The following SLC22A25 variants were observed in gnomAD, a reference collection of about 807,000 sequenced individuals.
SLC22A25 encodes the protein solute carrier family 22 member 25, also known as MGI:2442751, MGI:2385316, MGI:3042283, MGI:3645714, MGI:3605624, MGI:2442750.
Under a neutral mutation model 45.9 loss-of-function variants are expected in SLC22A25, and 44 were observed. That is an observed-to-expected ratio of 0.96 (90% confidence interval 0.75 to 1.23). SLC22A25 has a LOEUF of 1.23. SLC22A25 is among the 50% of genes most tolerant of loss of function. The probability of loss-of-function intolerance (pLI) is 0.00; values close to 1 mark genes in which losing one functional copy is unlikely to be tolerated. For synonymous variants in SLC22A25, 283 were observed against 238.6 expected, an observed-to-expected ratio of 1.19 and a Z score of -1.72; for missense variants, 800 against 666.4, an observed-to-expected ratio of 1.20 and a Z score of -2.21.
intron 7 of SLC22A25, among the ~76,000 whole-genome samples, chr11:63,191,273 C>T (rs2088803809): frequency 6.6e-6 from 1 of 152,214 alleles, no homozygotes; most frequent in African/African-American, 2.4e-5. Context: ...AGCCTCGCTG[C>T]CACCTTGCAG....
intron 9 of SLC22A25, among the ~76,000 whole-genome samples, chr11:63,170,636 A>C (rs1255113795): frequency 6.6e-6 from 1 of 152,198 alleles, no homozygotes; most frequent in East Asian, 1.9e-4. Flanking sequence ...ATCCCTGAAT[A>C]GACCAATAAC....
chr11:63,214,102 C>A (rs1342043259), intron 7 of SLC22A25, among the ~76,000 whole-genome samples: 1 of 152,096 alleles, frequency 6.6e-6, no homozygotes, highest in Admixed American at 6.6e-5. Flanking sequence ...TCCAGGTGGT[C>A]CCCAGATTCC....
At position 63,183,646 on chromosome 11, in the gene SLC22A25, C is replaced by T. The variant is rs190439302; in HGVS notation, c.954+48G>A. On this transcript the variant is annotated intron_variant, in intron 8 of 11. Coordinates refer to ENST00000306494, the MANE Select transcript of SLC22A25 (RefSeq NM_199352.6). ...TATGAACACCAACAAGTATAGATGA[C>T]AATTTATGTCTTCCCAGCATCCCAT... is the stretch of plus-strand genomic sequence containing the variant. The T allele has an allele frequency of 4.3e-6, 7 of 1,609,356 alleles. No homozygotes were observed. The East Asian group carries it at 1.6e-4, about 36-fold the overall frequency.
intron 5 of SLC22A25, among the ~76,000 whole-genome samples, chr11:63,219,561 A>C (rs1369195702): frequency 2.6e-5 from 4 of 152,212 alleles, no homozygotes; most frequent in Non-Finnish European, 4.4e-5. Flanking sequence ...ATTATTAATG[A>C]AATTCTACAG....
chr11:63,184,669 C>G (rs191852346), intron 7 of SLC22A25, among the ~76,000 whole-genome samples: 2 of 152,088 alleles, frequency 1.3e-5, no homozygotes, highest in Non-Finnish European at 2.9e-5. Context: ...ATATCACCTA[C>G]GACAATTAAA....
At chr11:63,175,541 C>T (rs149947229) in intron 9 of SLC22A25, among the ~76,000 whole-genome samples, 98 of 152,168 alleles carry the variant, frequency 6.4e-4, no homozygotes, top group Non-Finnish European at 1.2e-3. Flanking sequence ...AATATTTTCC[C>T]TCATTCTGAA....
chr11:63,210,574 G>A (rs956079631), intron 7 of SLC22A25, among the ~76,000 whole-genome samples: 1 of 152,172 alleles, frequency 6.6e-6, no homozygotes, highest in African/African-American at 2.4e-5. Flanking sequence ...ATGTCTGAAA[G>A]GCAGATCCTG....
In SLC22A25 at chr11:63,217,392, AG is replaced by A. The variant is rs1262632420; in HGVS notation, c.751del (p.Leu251TrpfsTer14). 6.2e-7 allele frequency: 1 copy of A among 1,613,920 alleles called. No homozygotes were observed. The highest frequency in any genetic ancestry group is 1.3e-5 in the African/African-American group (1 of 74,940). Reference protein sequence around the residue: ...ASIGHITLGSLAFVIRDQCIL... With the variant: ...ASIGHITLGSXAFVIRDQCIL... ...GCACTGGTCTCGAATGACAAAAGCC[AG>A]GCTTCCCAGGGTTATATGTCCAATA... On this transcript the variant is annotated frameshift_variant, in exon 7 of 12. Transcript: ENST00000306494. LOFTEE classifies it high-confidence loss of function.
intron 8 of SLC22A25, among the ~76,000 whole-genome samples, chr11:63,182,686 T>C (rs1490671162): frequency 6.6e-6 from 1 of 152,056 alleles, no homozygotes; most frequent in Admixed American, 6.6e-5. Context: ...CCACCTTCTG[T>C]TGAACGTTAA....
chr11:63,198,951 G>A (rs2089149819), intron 7 of SLC22A25, among the ~76,000 whole-genome samples: 2 of 152,002 alleles, frequency 1.3e-5, no homozygotes, highest in South Asian at 2.1e-4. Flanking sequence ...ACATCAAAAA[G>A]TTGGAAAGAT....
intron 10 of SLC22A25, among the ~76,000 whole-genome samples, chr11:63,165,268 C>T (rs17157912): frequency 1.3e-5 from 2 of 150,394 alleles, no homozygotes; most frequent in Admixed American, 6.7e-5. Context: ...TGCCTCATGT[C>T]ATTGGAGTGG....
At chr11:63,213,000 A>C (rs1282247466) in intron 7 of SLC22A25, among the ~76,000 whole-genome samples, 2 of 152,174 alleles carry the variant, frequency 1.3e-5, no homozygotes, top group Admixed American at 6.5e-5. Flanking sequence ...AAAGTGTCCA[A>C]GGACAAGGCA....
chr11:63,183,824 AAAG>A lies in SLC22A25; in HGVS notation c.831-10_831-8del, dbSNP rs774284219. 1.2e-6 allele frequency: 2 copies of A among 1,612,872 alleles called. No individual in the cohort carries two copies. The highest frequency in any genetic ancestry group is 1.7e-5 in the Admixed American group (1 of 59,896). ...AGCAGACTCTGCCAGCCACCTGAGC[AAAG>A]AAGAGGACAGAGGTGCAGCCAACCA... is the stretch of plus-strand genomic sequence containing the variant. On this transcript the variant is annotated splice_region_variant and splice_polypyrimidine_tract_variant and intron_variant, in intron 7 of 11. Transcript: ENST00000306494.
At chr11:63,203,893 A>G (rs1336653404) in intron 7 of SLC22A25, among the ~76,000 whole-genome samples, 2 of 152,336 alleles carry the variant, frequency 1.3e-5, no homozygotes, top group East Asian at 3.9e-4. Context: ...AAAAAATGTT[A>G]GGGGTAGCCA....
chr11:63,188,539 A>G (rs1427042648), intron 7 of SLC22A25, among the ~76,000 whole-genome samples: 2 of 151,904 alleles, frequency 1.3e-5, no homozygotes, highest in Non-Finnish European at 2.9e-5. Context: ...TTGTGTCTCT[A>G]TCTCCTTCAG....
At chr11:63,224,373 T>TA (rs767119003) in intron 5 of SLC22A25, among the ~76,000 whole-genome samples, 7 of 152,168 alleles carry the variant, frequency 4.6e-5, no homozygotes, top group Non-Finnish European at 7.4e-5. Context: ...TTTTTGTTTT[T>TA]ACTATTCAGT....
At chr11:63,224,334 A>G (rs1019046442) in intron 5 of SLC22A25, among the ~76,000 whole-genome samples, 1 of 152,036 alleles carries the variant, frequency 6.6e-6, no homozygotes, top group Non-Finnish European at 1.5e-5. Context: ...TATAGATAAG[A>G]TGCATTTCTT....
intron 7 of SLC22A25, among the ~76,000 whole-genome samples, chr11:63,195,600 A>G (rs1214198370): frequency 6.6e-6 from 1 of 152,216 alleles, no homozygotes; most frequent in Admixed American, 6.5e-5. Flanking sequence ...GACACATTCA[A>G]AGCAGTGTGT....
chr11:63,177,709 T>TC (rs2088143707), intron 9 of SLC22A25, among the ~76,000 whole-genome samples: 1 of 151,180 alleles, frequency 6.6e-6, no homozygotes, highest in African/African-American at 2.4e-5. Flanking sequence ...TCCAATTCCA[T>TC]CCATGTTGTT....
Sources: gnomAD v4.1 joint callset for allele counts (sites outside exome capture counted in the v4.1 genomes callset) on GRCh38, gnomAD v4.1.1 for gene constraint, MANE v1.5 for transcripts, NCBI Gene and HGNC (gene_info 2026-07-23, HGNC 2026-07-21) for gene names.